The following COG5 variants were observed in gnomAD, a reference collection of about 807,000 sequenced individuals.
COG5 encodes component of oligomeric golgi complex 5, also known as conserved oligomeric Golgi complex subunit 5.
COG5 carries 86 observed loss-of-function variants against 110.4 expected under a neutral mutation model. The ratio of observed to expected loss-of-function variants is 0.78; its 90% CI spans 0.65 to 0.93. COG5 has a LOEUF of 0.93. Ranked by LOEUF, COG5 falls within the 40% of genes least tolerant of loss-of-function variation. The pLI, the probability that COG5 is intolerant of heterozygous loss-of-function variation, is 0.00. For synonymous variants in COG5, 360 were observed against 334.6 expected (o/e 1.08, Z -0.83); for missense variants, 1,077 against 987.0 (o/e 1.09, Z -1.22).
At chr7:107,267,970 T>C (rs1371524718) in intron 14 of COG5, among the ~76,000 whole-genome samples, 1 of 152,198 alleles carries the variant, frequency 6.6e-6, no homozygotes, top group Non-Finnish European at 1.5e-5. Flanking sequence ...TAAGAAATTC[T>C]TTTTGTTGTT....
At chr7:107,438,626 T>C (rs1412897988) in intron 6 of COG5, among the ~76,000 whole-genome samples, 2 of 152,192 alleles carry the variant, frequency 1.3e-5, no homozygotes, top group African/African-American at 4.8e-5. Flanking sequence ...TGCCCTACAA[T>C]ACCCCTGGAC....
chr7:107,495,925 T>A (rs146416057), intron 6 of COG5, among the ~76,000 whole-genome samples: 1 of 149,858 alleles, frequency 6.7e-6, no homozygotes, highest in Non-Finnish European at 1.5e-5. Context: ...CATTTATTTT[T>A]TATTTATTTT....
At chr7:107,476,184 TAAAAAAA>T (rs34741713) in intron 6 of COG5, among the ~76,000 whole-genome samples, 10 of 44,070 alleles carry the variant, frequency 2.3e-4, no homozygotes, top group East Asian at 1.4e-3. Context: ...GCAATGATTT[TAAAAAAA>T]AAAAAAAAAA....
intron 6 of COG5, among the ~76,000 whole-genome samples, chr7:107,507,520 G>A (rs1399684109): frequency 6.9e-5 from 10 of 144,798 alleles, no homozygotes; most frequent in African/African-American, 2.6e-4. Context: ...TATTAGCCAC[G>A]ATGGTCTTGA....
intron 6 of COG5, among the ~76,000 whole-genome samples, chr7:107,504,777 T>A (rs920826283): frequency 2.0e-5 from 3 of 152,200 alleles, no homozygotes; most frequent in African/African-American, 7.2e-5. Context: ...GTTTTCTAGT[T>A]GATATGCATA....
intron 6 of COG5, chr7:107,471,456 G>A (rs530829298): frequency 1.9e-4 from 29 of 152,056 alleles, no homozygotes; most frequent in Middle Eastern, 6.8e-3. Flanking sequence ...TCTGAACTAC[G>A]AACTGCAAGA....
chr7:107,343,219 G>A (rs950312260), intron 10 of COG5, among the ~76,000 whole-genome samples: 1 of 152,148 alleles, frequency 6.6e-6, no homozygotes, highest in East Asian at 1.9e-4. Context: ...GTCTACTAGA[G>A]GAGGCAAGGA....
chr7:107,439,245 T>C (rs547852415), intron 6 of COG5, among the ~76,000 whole-genome samples: 15 of 152,068 alleles, frequency 9.9e-5, no homozygotes, highest in East Asian at 5.8e-4. Context: ...TCCCATCAGA[T>C]ATAACTATGA....
intron 10 of COG5, among the ~76,000 whole-genome samples, chr7:107,357,170 T>C (rs913510430): frequency 6.6e-6 from 1 of 152,204 alleles, no homozygotes; most frequent in African/African-American, 2.4e-5. Flanking sequence ...AGTTACATCC[T>C]TAGCAAAAAT....
intron 6 of COG5, among the ~76,000 whole-genome samples, chr7:107,436,256 G>A (rs543199530): frequency 7.9e-5 from 12 of 152,286 alleles, no homozygotes; most frequent in Non-Finnish European, 1.0e-4. Flanking sequence ...TACATACAGC[G>A]AATTATTCAG....
chr7:107,476,183 T>TAAAAAAAAAAAAAAAGAAAA (rs1563056700), intron 6 of COG5, among the ~76,000 whole-genome samples: 1 of 86,514 alleles, frequency 1.2e-5, no homozygotes, highest in South Asian at 2.9e-4. Context: ...TGCAATGATT[T>TAAAAAAAAAAAAAAAGAAAA]TAAAAAAAAA....
chr7:107,510,257 G>A (rs1390945739), intron 6 of COG5, among the ~76,000 whole-genome samples: 2 of 152,022 alleles, frequency 1.3e-5, no homozygotes, highest in African/African-American at 4.8e-5. Flanking sequence ...CCTAGTCTCT[G>A]ATAAAACAGA....
intron 17 of COG5, among the ~76,000 whole-genome samples, chr7:107,241,730 GC>G (rs1324716504): frequency 6.6e-6 from 1 of 152,104 alleles, no homozygotes; most frequent in Non-Finnish European, 1.5e-5. Flanking sequence ...GGGATTACAG[GC>G]GTGAGCCACC....
intron 18 of COG5, among the ~76,000 whole-genome samples, chr7:107,232,957 G>GGGTACTCCTGC (rs1800885950): frequency 6.6e-6 from 1 of 152,092 alleles, no homozygotes; most frequent in African/African-American, 2.4e-5. Context: ...GATACTCCTA[G>GGGTACTCCTGC]GGTACTCCTG....
intron 12 of COG5, 93 bp from the exon 13 acceptor site, chr7:107,283,825 C>A: frequency 1.1e-6 from 1 of 870,338 alleles, no homozygotes; most frequent in South Asian, 1.4e-5. Flanking sequence ...AAAAATGCAC[C>A]TCCCATAAAA....
At chr7:107,410,156 G>A (rs959680147) in intron 7 of COG5, among the ~76,000 whole-genome samples, 3 of 152,058 alleles carry the variant, frequency 2.0e-5, no homozygotes, top group African/African-American at 7.2e-5. Context: ...ATAATTTGAG[G>A]GTATCATCAA....
intron 7 of COG5, among the ~76,000 whole-genome samples, chr7:107,391,371 T>C (rs1213916885): frequency 6.6e-6 from 1 of 152,172 alleles, no homozygotes; most frequent in East Asian, 1.9e-4. Context: ...CTTTGTGTAT[T>C]TTAGATATTA....
intron 7 of COG5, among the ~76,000 whole-genome samples, chr7:107,392,759 T>C (rs1340357761): frequency 6.6e-6 from 1 of 151,986 alleles, no homozygotes; most frequent in East Asian, 1.9e-4. Flanking sequence ...GTCACTACCA[T>C]GTCCTTTTTT....
At chr7:107,296,041 C>T (rs1431061949) in intron 12 of COG5, among the ~76,000 whole-genome samples, 3 of 152,052 alleles carry the variant, frequency 2.0e-5, no homozygotes, top group Non-Finnish European at 4.4e-5. Flanking sequence ...GATCTGCCCA[C>T]GTTGGCCTTC....
Sources: gnomAD v4.1 joint callset for allele counts (sites outside exome capture counted in the v4.1 genomes callset) on GRCh38, gnomAD v4.1.1 for gene constraint, MANE v1.5 for transcripts, NCBI Gene and HGNC (gene_info 2026-07-23, HGNC 2026-07-21) for gene names.